The following GNB1 variants were observed in gnomAD, a reference collection of about 807,000 sequenced individuals.
GNB1 encodes G protein subunit beta 1.
GNB1 carries 2 observed loss-of-function variants against 42.9 expected under a neutral mutation model. The observed-to-expected ratio is 0.05, with a 90% CI of 0.02 to 0.15. The LOEUF (loss-of-function observed/expected upper bound fraction) is 0.15, where lower values mean the gene tolerates loss of function less well. GNB1 is among the 10% of genes least tolerant of loss of function. The pLI is 1.00. For missense variants in GNB1, 193 were observed against 462.2 expected, an observed-to-expected ratio of 0.42 and a Z score of 5.34; for synonymous variants, 183 against 174.7, an observed-to-expected ratio of 1.05 and a Z score of -0.38.
At chr1:1,846,046 G>T (rs1417103448) in intron 1 of GNB1, among the ~76,000 whole-genome samples, 2 of 152,064 alleles carry the variant, frequency 1.3e-5, no homozygotes, top group African/African-American at 4.8e-5. Context: ...TGGCAGAAAG[G>T]AAGGGCTCCA....
At chr1:1,872,260 G>GA (rs1191899976) in intron 1 of GNB1, among the ~76,000 whole-genome samples, 2 of 152,152 alleles carry the variant, frequency 1.3e-5, no homozygotes, top group Non-Finnish European at 2.9e-5. Flanking sequence ...CTATAAGCAT[G>GA]AACCACTGCA....
chr1:1,878,984 A>G (rs1301117721), intron 1 of GNB1, among the ~76,000 whole-genome samples: 2 of 152,176 alleles, frequency 1.3e-5, no homozygotes, highest in African/African-American at 4.8e-5. Context: ...AGAGTCTCCC[A>G]AAGTCTGGTC....
At chr1:1,888,172 G>A (rs981790844) in intron 1 of GNB1, among the ~76,000 whole-genome samples, 2 of 152,196 alleles carry the variant, frequency 1.3e-5, no homozygotes, top group African/African-American at 4.8e-5. Context: ...CTTTTGGCCA[G>A]TGGATGTGCT....
At chr1:1,864,502 C>T (rs527435047) in intron 1 of GNB1, among the ~76,000 whole-genome samples, 29 of 151,996 alleles carry the variant, frequency 1.9e-4, no homozygotes, top group Admixed American at 3.9e-4. Context: ...TTATTCCCTC[C>T]GGCCGACCCA....
In GNB1 at chr1:1,805,062, T is replaced by C. The variant is rs1198441440; in HGVS notation, c.268-481A>G. ...CTGTAGTTTCAGCTACTTGAGTGAC[T>C]GGGGCAGGAGAATCACTTGAACCCG... On this transcript the variant is annotated intron_variant, in intron 6 of 11. Coordinates refer to ENST00000378609, the MANE Select transcript of GNB1 (RefSeq NM_002074.5). Among the ~76,000 whole-genome samples, 3 of 152,198 alleles carry C rather than the reference T, an allele frequency of 2.0e-5. No homozygotes were observed. In the East Asian group the frequency reaches 5.8e-4, roughly 29 times the overall value.
chr1:1,849,726 A>T (rs1238346762), intron 1 of GNB1, among the ~76,000 whole-genome samples: 2 of 152,064 alleles, frequency 1.3e-5, no homozygotes, highest in Admixed American at 1.3e-4. Flanking sequence ...TTTTCTGGCT[A>T]CATTCAAAAC....
chr1:1,807,104 C>G (rs1222043611), intron 5 of GNB1, among the ~76,000 whole-genome samples: 1 of 152,170 alleles, frequency 6.6e-6, no homozygotes, highest in African/African-American at 2.4e-5. Context: ...GGCCACATCA[C>G]CCCTGGCACC....
intron 1 of GNB1, among the ~76,000 whole-genome samples, chr1:1,840,384 C>G (rs1035770449): frequency 2.0e-4 from 31 of 152,096 alleles, no homozygotes; most frequent in African/African-American, 7.2e-4. Context: ...AAAAATTCGC[C>G]GAGCGTAGTG....
intron 7 of GNB1, chr1:1,793,850 A>C (rs1448623918): frequency 6.5e-6 from 1 of 153,964 alleles, no homozygotes; most frequent in Non-Finnish European, 1.4e-5. Context: ...GGACGAGAGT[A>C]GACTCAGAGA....
intron 8 of GNB1, among the ~76,000 whole-genome samples, chr1:1,792,170 A>G (rs1385495439): frequency 6.6e-6 from 1 of 152,226 alleles, no homozygotes; most frequent in African/African-American, 2.4e-5. Flanking sequence ...CTAGCATTTA[A>G]GTGGGCTTCC....
At chr1:1,879,217 C>A (rs1453264768) in intron 1 of GNB1, among the ~76,000 whole-genome samples, 4 of 152,226 alleles carry the variant, frequency 2.6e-5, no homozygotes, top group African/African-American at 9.6e-5. Flanking sequence ...TTCTCTAAAC[C>A]AGCGCTGCTC....
intron 1 of GNB1, among the ~76,000 whole-genome samples, chr1:1,863,762 A>G: frequency 6.6e-6 from 1 of 152,250 alleles, no homozygotes; most frequent in East Asian, 1.9e-4. Context: ...TAAGTTGGAA[A>G]AATTCAGAAA....
intron 10 of GNB1, 40 bp downstream of exon 10, chr1:1,789,013 A>T (rs1407992261): frequency 1.4e-6 from 2 of 1,386,466 alleles, no homozygotes; most frequent in South Asian, 2.3e-5. Context: ...GATACCACGT[A>T]AATGTCCACA....
In GNB1 at chr1:1,856,424, G is replaced by A. The variant is rs532003234; in HGVS notation, c.-95-17186C>T. Among the ~76,000 whole-genome samples, 13 of 151,010 alleles carry A rather than the reference G, an allele frequency of 8.6e-5. No homozygotes were observed. The South Asian group carries it at 1.3e-3, about 15-fold the overall frequency. ...CAGGCATAAGCCACTGCACTGGCCC[G>A]GAATTTCTTTCTTTCTTTTTTTGAG... On this transcript the variant is annotated intron_variant, in intron 1 of 11. Transcript: ENST00000378609.
chr1:1,850,209 C>T (rs2101486278), intron 1 of GNB1, among the ~76,000 whole-genome samples: 1 of 152,102 alleles, frequency 6.6e-6, no homozygotes, highest in East Asian at 1.9e-4. Context: ...TGGCTCACCA[C>T]AACCTCCGCC....
At chr1:1,816,647 T>C (rs1646861218) in intron 4 of GNB1, among the ~76,000 whole-genome samples, 1 of 142,778 alleles carries the variant, frequency 7.0e-6, no homozygotes, top group Non-Finnish European at 1.5e-5. Flanking sequence ...TTATTATCTT[T>C]TTTTTTTTTT....
intron 5 of GNB1, among the ~76,000 whole-genome samples, chr1:1,808,256 C>T (rs1044466493): frequency 6.6e-6 from 1 of 152,078 alleles, no homozygotes; most frequent in Non-Finnish European, 1.5e-5. Flanking sequence ...CCGCCCACCT[C>T]GGCCTCCCAA....
chr1:1,872,372 C>T (rs1000536555), intron 1 of GNB1, among the ~76,000 whole-genome samples: 53 of 152,318 alleles, frequency 3.5e-4, no homozygotes, highest in Non-Finnish European at 3.4e-4. Flanking sequence ...AGCTCTCTGC[C>T]AGTTTGGAAA....
chr1:1,810,265 T>C (rs193156015), intron 5 of GNB1, among the ~76,000 whole-genome samples: 5 of 151,812 alleles, frequency 3.3e-5, no homozygotes, highest in Non-Finnish European at 1.5e-5. Flanking sequence ...CAGGGTTTCA[T>C]TGAGTTAGCC....
Sources: allele counts gnomAD v4.1 joint callset (sites outside exome capture counted in the v4.1 genomes callset), GRCh38; gene constraint gnomAD v4.1.1; transcripts MANE v1.5; gene names NCBI Gene and HGNC (gene_info 2026-07-23, HGNC 2026-07-21).